Variants in DGKD observed in about 807,000 individuals in gnomAD.
DGKD encodes the protein diacylglycerol kinase delta.
A neutral mutation model predicts 154.4 loss-of-function variants in DGKD; 68 were observed. The observed-to-expected ratio is 0.44, with a 90% CI of 0.36 to 0.54. The LOEUF (loss-of-function observed/expected upper bound fraction) is 0.54, where lower values mean the gene tolerates loss of function less well. DGKD is among the 20% of genes least tolerant of loss of function. The probability of loss-of-function intolerance (pLI) is 0.00; values close to 1 mark genes in which losing one functional copy is unlikely to be tolerated. For synonymous variants in DGKD, 693 were observed against 638.0 expected (o/e 1.09, Z -1.30); for missense variants, 1,343 against 1,593.6 (o/e 0.84, Z 2.68).
At chr2:233,410,000 T>A (rs2061787185) in intron 3 of DGKD, among the ~76,000 whole-genome samples, 1 of 152,044 alleles carries the variant, frequency 6.6e-6, no homozygotes, top group South Asian at 2.1e-4. Flanking sequence ...TTTTTCTTTT[T>A]TTTAAATTTG....
chr2:233,441,570 G>T lies in DGKD; in HGVS notation c.1086-317G>T, dbSNP rs1457615553. 6.6e-6 allele frequency among the ~76,000 whole-genome samples: 1 copy of T among 152,218 alleles called. No homozygotes were observed. The highest frequency in any genetic ancestry group is 2.4e-5 in the African/African-American group (1 of 41,452). ...GGCTGTGCCCGTGAGCCTGGCAGGGGATGCAGTTTTGGCCCACCACTTTGC... is the reference window on the plus strand; with the variant it reads ...GGCTGTGCCCGTGAGCCTGGCAGGGTATGCAGTTTTGGCCCACCACTTTGC... On this transcript the variant is annotated intron_variant, in intron 9 of 29. Transcript: ENST00000264057. The surrounding 1 kb of genome is among the most constrained non-coding windows in gnomAD (Gnocchi z 5.6).
At chr2:233,429,176 TG>T in intron 3 of DGKD, 1 of 985,366 alleles carries the variant, frequency 1.0e-6, no homozygotes, top group South Asian at 4.7e-5. Flanking sequence ...GGAGCAAAGT[TG>T]GCACTTCAGC....
intron 17 of DGKD, 97 bp downstream of exon 17, chr2:233,451,147 A>G: frequency 7.4e-7 from 1 of 1,353,686 alleles, no homozygotes; most frequent in Non-Finnish European, 9.9e-7. Context: ...CGGAGAGTTT[A>G]CAGGCCCCTG....
At position 233,422,499 on chromosome 2, in the gene DGKD, A is replaced by G. The variant is rs115968922; in HGVS notation, c.349-11881A>G. Among the ~76,000 whole-genome samples, 1,084 of 152,254 alleles carry G rather than the reference A, an allele frequency of 7.1e-3. 8 individuals are homozygous for G. Among genetic ancestry groups the G allele is most frequent in the African/African-American group, 0.025 (1,027 of 41,538 alleles). On this transcript the variant is annotated intron_variant, in intron 3 of 29. Transcript: ENST00000264057. ...CATTTCTACCCACCCCTCCTGACAT[A>G]GAGGACCTGGTCCTTTTCTTTGAGA...
chr2:233,412,851 T>A (rs1487288866), intron 3 of DGKD, among the ~76,000 whole-genome samples: 1 of 152,216 alleles, frequency 6.6e-6, no homozygotes, highest in Non-Finnish European at 1.5e-5. Context: ...AACACATGGT[T>A]TTTTTCTCCT....
In DGKD at chr2:233,381,652, A is replaced by C. The variant is rs539013665; in HGVS notation, c.157-6605A>C. Reference sequence around the variant, plus strand: ...CTGGAGGTCTTTGAATATGTTTTGCATGCCTTACGTTTTGTGAACAAATTA... The same window carrying C: ...CTGGAGGTCTTTGAATATGTTTTGCCTGCCTTACGTTTTGTGAACAAATTA... On this transcript the variant is annotated intron_variant, in intron 1 of 29. Coordinates refer to ENST00000264057, the MANE Select transcript of DGKD (RefSeq NM_152879.3). Among the ~76,000 whole-genome samples, 3 of 152,212 alleles carry C rather than the reference A, an allele frequency of 2.0e-5. No homozygotes were observed. The South Asian group carries it at 6.2e-4, about 32-fold the overall frequency.
At chr2:233,413,629 G>T (rs895073003) in intron 3 of DGKD, among the ~76,000 whole-genome samples, 5 of 152,224 alleles carry the variant, frequency 3.3e-5, no homozygotes, top group South Asian at 2.1e-4. Context: ...ATTTGTTGTT[G>T]CTGTATCTCT....
intron 3 of DGKD, among the ~76,000 whole-genome samples, chr2:233,418,249 G>T (rs1264844804): frequency 6.6e-6 from 1 of 152,178 alleles, no homozygotes; most frequent in Non-Finnish European, 1.5e-5. Flanking sequence ...ACATTTGTTT[G>T]TATTTTGCCT....
intron 12 of DGKD, chr2:233,447,380 TG>T: frequency 4.8e-6 from 3 of 623,048 alleles, no homozygotes; most frequent in Non-Finnish European, 6.0e-6. Context: ...CAGTGCTGGG[TG>T]GGGTAGTACA....
intron 3 of DGKD, among the ~76,000 whole-genome samples, chr2:233,397,904 G>T (rs1478096211): frequency 6.6e-6 from 1 of 151,854 alleles, no homozygotes; most frequent in Non-Finnish European, 1.5e-5. Context: ...GGTTAAGTGA[G>T]CTCAGGAGTC....
In DGKD at chr2:233,434,817, G is replaced by T. The variant is rs201646438; in HGVS notation, c.502G>T (p.Ala168Ser). 2 of 1,614,206 alleles carry T rather than the reference G, an allele frequency of 1.2e-6. No individual in the cohort carries two copies. Among genetic ancestry groups the T allele is most frequent in the South Asian group, 2.2e-5 (2 of 91,086 alleles). ...CTTCTCAGGGATGCACAATTGGTAC[G>T]CCTGTTCCCACGCGAGGCCGACCTA... is the stretch of plus-strand genomic sequence containing the variant. ...DHFSGMHNWY[A>S]CSHARPTYCN... The change falls in exon 5 of 30, where the codon GCC becomes TCC. Residue 168 changes from alanine to serine, a missense_variant. By Grantham distance (99) the Ala-to-Ser change is moderately conservative. This residue lies in a region of DGKD where 332 missense variants were observed against 400.1 expected (regional missense o/e 0.83). Transcript: ENST00000264057.
At chr2:233,422,068 G>T (rs2062136543) in intron 3 of DGKD, among the ~76,000 whole-genome samples, 1 of 152,236 alleles carries the variant, frequency 6.6e-6, no homozygotes, top group Non-Finnish European at 1.5e-5. Flanking sequence ...GGACCCCCGA[G>T]GGGCATGGCC....
rs538096432 is a variant in DGKD at position 233,443,120 on chromosome 2, C to T, written c.1194+1125C>T. Among the ~76,000 whole-genome samples the T allele has an allele frequency of 4.6e-5, 7 of 152,324 alleles. No homozygotes were observed. In the East Asian group the frequency reaches 9.6e-4, roughly 21 times the overall value. ...AATGTGCTGACAAACTGCCTTTCCT[C>T]AGGGCTGTGCCAGCTTCCATGCCTG... On this transcript the variant is annotated intron_variant, in intron 10 of 29. Coordinates refer to ENST00000264057, the MANE Select transcript of DGKD (RefSeq NM_152879.3).
intron 1 of DGKD, among the ~76,000 whole-genome samples, chr2:233,378,499 C>T (rs1042331421): frequency 1.3e-5 from 2 of 152,022 alleles, no homozygotes; most frequent in East Asian, 1.9e-4. Context: ...ATCCTCCCGC[C>T]TCAGCCTCCC....
intron 3 of DGKD, among the ~76,000 whole-genome samples, chr2:233,392,611 T>C (rs1163213309): frequency 4.6e-5 from 7 of 152,246 alleles, no homozygotes; most frequent in Non-Finnish European, 1.0e-4. Flanking sequence ...TCTATGAGTT[T>C]ATGTTTTCTG....
intron 3 of DGKD, among the ~76,000 whole-genome samples, chr2:233,395,510 A>G (rs1703949839): frequency 2.0e-5 from 3 of 151,014 alleles, no homozygotes; most frequent in South Asian, 4.2e-4. Context: ...CCTCTCTTCT[A>G]CTTCCCTTCT....
intron 3 of DGKD, among the ~76,000 whole-genome samples, chr2:233,431,103 T>A (rs2062493603): frequency 6.6e-6 from 1 of 152,196 alleles, no homozygotes. Flanking sequence ...CCAAAAAAAC[T>A]ATTAAAACTG....
chr2:233,468,643 C>A, intron 29 of DGKD, 90 bp downstream of exon 29: 1 of 1,564,592 alleles, frequency 6.4e-7, no homozygotes, highest in Admixed American at 1.7e-5. Flanking sequence ...TGGCCATGTC[C>A]CAGCATCACG....
chr2:233,442,489 G>T (rs1017909853), intron 10 of DGKD: 8 of 279,410 alleles, frequency 2.9e-5, no homozygotes, highest in African/African-American at 1.7e-4. Flanking sequence ...GCCTCCCCAG[G>T]TGATCAGCCA....
Sources: allele counts gnomAD v4.1 joint callset (sites outside exome capture counted in the v4.1 genomes callset), GRCh38; gene constraint gnomAD v4.1.1; regional missense constraint gnomAD v4.1.1; non-coding constraint Gnocchi (gnomAD v3.1); transcripts MANE v1.5; gene names NCBI Gene and HGNC (gene_info 2026-07-23, HGNC 2026-07-21).